NRXN1: variants seen among roughly 807,000 people sequenced by gnomAD.
NRXN1 encodes the protein neurexin-1.
A neutral mutation model predicts 150.9 loss-of-function variants in NRXN1; 39 were observed. That is an observed-to-expected ratio of 0.26 (90% CI 0.20 to 0.34). NRXN1 has a LOEUF of 0.34. Among genes scored for constraint, NRXN1 ranks in the 10% least tolerant of loss-of-function variants. The pLI is 1.00. For missense variants in NRXN1, 1,815 were observed against 1,949.9 expected, an observed-to-expected ratio of 0.93 and a Z score of 1.30; for synonymous variants, 924 against 757.0, an observed-to-expected ratio of 1.22 and a Z score of -3.62.
intron 18 of NRXN1, among the ~76,000 whole-genome samples, chr2:50,191,208 T>TTG (rs200849355): frequency 4.1e-4 from 57 of 138,056 alleles, no homozygotes; most frequent in South Asian, 3.1e-3. Flanking sequence ...GTTTTTTGTT[T>TTG]TTTTTTTTTT....
chr2:50,186,464 G>C (rs1004390488), intron 18 of NRXN1, among the ~76,000 whole-genome samples: 1 of 151,980 alleles, frequency 6.6e-6, no homozygotes, highest in Non-Finnish European at 1.5e-5. Context: ...ACATCATCAG[G>C]GTCCTGAGCT....
intron 5 of NRXN1, among the ~76,000 whole-genome samples, chr2:50,799,265 C>T (rs899392045): frequency 2.0e-5 from 3 of 152,166 alleles, no homozygotes. Context: ...TCACCTAAAT[C>T]TTTCACTATG....
At chr2:50,450,287 A>G (rs564984074) in intron 17 of NRXN1, among the ~76,000 whole-genome samples, 1 of 152,230 alleles carries the variant, frequency 6.6e-6, no homozygotes, top group African/African-American at 2.4e-5. Flanking sequence ...TTCTGAATGC[A>G]CACGGCAATG....
rs546627392 is a variant in NRXN1 at position 50,176,480 on chromosome 2, C to T, written c.3546+60309G>A. Among the ~76,000 whole-genome samples the T allele has an allele frequency of 2.0e-4, 31 of 152,194 alleles. No individual in the cohort carries two copies. The South Asian group carries it at 5.4e-3, about 26-fold the overall frequency. On this transcript the variant is annotated intron_variant, in intron 18 of 22. Transcript: ENST00000401669. Reference sequence around the variant, plus strand: ...TGCCTGGCCTCGACTCATTAGATGCCTGTTATCACCTCTCCAACCGAGTGG... The same window carrying T: ...TGCCTGGCCTCGACTCATTAGATGCTTGTTATCACCTCTCCAACCGAGTGG...
intron 2 of NRXN1, among the ~76,000 whole-genome samples, chr2:50,979,022 T>A (rs1696356410): frequency 6.6e-6 from 1 of 152,100 alleles, no homozygotes; most frequent in Non-Finnish European, 1.5e-5. Context: ...GAAAAATAAT[T>A]TCAGCATAAC....
At chr2:50,589,265 G>A (rs779761119) in intron 8 of NRXN1, 1 of 152,286 alleles carries the variant, frequency 6.6e-6, no homozygotes, top group Non-Finnish European at 1.5e-5. Flanking sequence ...TATGGCAGGG[G>A]GTTTATGTTA....
intron 21 of NRXN1, chr2:49,966,493 A>G (rs1049673930): frequency 6.6e-6 from 1 of 150,598 alleles, no homozygotes; most frequent in Non-Finnish European, 1.5e-5. Flanking sequence ...CCTGTTTATA[A>G]GACCAATTTT....
intron 2 of NRXN1, among the ~76,000 whole-genome samples, chr2:50,928,122 T>G (rs561647015): frequency 6.6e-6 from 1 of 151,918 alleles, no homozygotes; most frequent in Non-Finnish European, 1.5e-5. Flanking sequence ...TAATGGGAAT[T>G]CCTTTAAACG....
intron 11 of NRXN1, among the ~76,000 whole-genome samples, chr2:50,530,596 A>G (rs79867263): frequency 0.012 from 1,768 of 152,278 alleles, 30 homozygotes; most frequent in African/African-American, 0.041. Context: ...GGAAAGCATT[A>G]TCTTTCTGTA....
chr2:50,670,832 T>C (rs183831483), intron 5 of NRXN1, among the ~76,000 whole-genome samples: 157 of 152,020 alleles, frequency 1.0e-3, no homozygotes, highest in Non-Finnish European at 1.9e-3. Context: ...TTAAAGAATA[T>C]TCCAGAAGCA....
Position 50,405,264 on chromosome 2 carries a change from G to T in NRXN1, c.3364+60178C>A, listed in dbSNP as rs565113931. ...TTCCTTGTTGATGTTCAATGAAGTCGCAGGCTCAACACATGAGCCTACCAA... is the reference window on the plus strand; with the variant it reads ...TTCCTTGTTGATGTTCAATGAAGTCTCAGGCTCAACACATGAGCCTACCAA... On this transcript the variant is annotated intron_variant, in intron 17 of 22. Coordinates refer to ENST00000401669, the MANE Select transcript of NRXN1 (RefSeq NM_001330078.2). Among the ~76,000 whole-genome samples, 4 of 152,150 alleles carry T rather than the reference G, an allele frequency of 2.6e-5. No individual in the cohort carries two copies. In the East Asian group the frequency reaches 7.7e-4, roughly 29 times the overall value.
intron 17 of NRXN1, among the ~76,000 whole-genome samples, chr2:50,284,453 C>A (rs1391061965): frequency 6.6e-6 from 1 of 152,160 alleles, no homozygotes; most frequent in Non-Finnish European, 1.5e-5. Flanking sequence ...TTCTATGACA[C>A]TTAGGATGGT....
intron 2 of NRXN1, among the ~76,000 whole-genome samples, chr2:50,975,913 C>T (rs559661847): frequency 6.6e-5 from 10 of 152,140 alleles, no homozygotes; most frequent in African/African-American, 2.2e-4. Context: ...TCTAAGATTG[C>T]TCACTGTTAG....
intron 12 of NRXN1, among the ~76,000 whole-genome samples, chr2:50,508,147 A>G (rs1273434981): frequency 6.6e-6 from 1 of 152,172 alleles, no homozygotes; most frequent in African/African-American, 2.4e-5. Flanking sequence ...GCTACTAATA[A>G]TTCAAGTGTT....
At chr2:50,618,293 G>A (rs1255681084) in intron 8 of NRXN1, among the ~76,000 whole-genome samples, 1 of 152,070 alleles carries the variant, frequency 6.6e-6, no homozygotes, top group Non-Finnish European at 1.5e-5. Context: ...ATCCCTGCCT[G>A]TCTAAATTAG....
chr2:51,007,757 A>C (rs545211142), intron 2 of NRXN1, among the ~76,000 whole-genome samples: 1 of 152,064 alleles, frequency 6.6e-6, no homozygotes, highest in South Asian at 2.1e-4. Context: ...TAAATTGTGG[A>C]CAAATACATA....
At chr2:49,978,495 C>T (rs767641366) in intron 21 of NRXN1, among the ~76,000 whole-genome samples, 9 of 152,126 alleles carry the variant, frequency 5.9e-5, no homozygotes, top group Non-Finnish European at 1.3e-4. Flanking sequence ...TGGGACTCCT[C>T]TAATGCTAAT....
chr2:50,958,187 G>C (rs1237433965), intron 2 of NRXN1, among the ~76,000 whole-genome samples: 3 of 152,046 alleles, frequency 2.0e-5, no homozygotes, highest in Admixed American at 1.3e-4. Flanking sequence ...CAGAAAGTGT[G>C]GTCAAGGGAA....
chr2:50,615,075 T>A (rs1011527661), intron 8 of NRXN1, among the ~76,000 whole-genome samples: 1 of 152,196 alleles, frequency 6.6e-6, no homozygotes, highest in African/African-American at 2.4e-5. Context: ...CCAAACCTCA[T>A]CTACCTCAGT....
Sources: gnomAD v4.1 joint callset for allele counts (sites outside exome capture counted in the v4.1 genomes callset) on GRCh38, gnomAD v4.1.1 for gene constraint, MANE v1.5 for transcripts, NCBI Gene and HGNC (gene_info 2026-07-23, HGNC 2026-07-21) for gene names.